CALN1: variants seen among roughly 807,000 people sequenced by gnomAD.
CALN1 encodes calneuron 1.
A neutral mutation model predicts 30.6 loss-of-function variants in CALN1; 17 were observed. That is an observed-to-expected ratio of 0.56 (90% CI 0.38 to 0.83). The LOEUF (loss-of-function observed/expected upper bound fraction) is 0.83. Ranked by LOEUF, CALN1 falls within the 40% of genes least tolerant of loss-of-function variation. The pLI is 0.00. For synonymous variants in CALN1, 156 were observed against 131.4 expected, an observed-to-expected ratio of 1.19 and a Z score of -1.28; for missense variants, 291 against 354.9, an observed-to-expected ratio of 0.82 and a Z score of 1.45.
intron 2 of CALN1, among the ~76,000 whole-genome samples, chr7:72,395,500 T>A (rs1042043038): frequency 2.0e-5 from 3 of 152,222 alleles, no homozygotes; most frequent in Admixed American, 6.5e-5. Flanking sequence ...AAGAGGCAGA[T>A]ACAGTATGGA....
At chr7:72,307,028 T>G (rs71551258) in intron 2 of CALN1, among the ~76,000 whole-genome samples, 14,606 of 152,282 alleles carry the variant, frequency 0.096, 1,339 homozygotes, top group East Asian at 0.43. Flanking sequence ...CAGCACTAAC[T>G]AGGTCGACAG....
chr7:72,297,065 G>A (rs1798914864), intron 2 of CALN1, among the ~76,000 whole-genome samples: 1 of 151,956 alleles, frequency 6.6e-6, no homozygotes, highest in African/African-American at 2.4e-5. Flanking sequence ...TGGGCATTTA[G>A]TGCTATAAAT....
intron 3 of CALN1, among the ~76,000 whole-genome samples, chr7:72,152,690 A>T (rs911702266): frequency 1.3e-5 from 2 of 152,136 alleles, no homozygotes; most frequent in Non-Finnish European, 2.9e-5. Flanking sequence ...TCAGACTTCA[A>T]TTCCCAGCTA....
chr7:71,908,927 A>T (rs1268596558), intron 5 of CALN1, among the ~76,000 whole-genome samples: 1 of 152,226 alleles, frequency 6.6e-6, no homozygotes, highest in African/African-American at 2.4e-5. Flanking sequence ...TCAGGGATCC[A>T]GCAACGTCTT....
At chr7:71,881,932 A>T (rs1442304870) in intron 5 of CALN1, among the ~76,000 whole-genome samples, 1 of 151,532 alleles carries the variant, frequency 6.6e-6, no homozygotes, top group Non-Finnish European at 1.5e-5. Context: ...AATTAGCCAC[A>T]TGTGGTGGTA....
At chr7:71,831,019 C>T (rs73362107) in intron 5 of CALN1, among the ~76,000 whole-genome samples, 3 of 151,928 alleles carry the variant, frequency 2.0e-5, no homozygotes. Context: ...AAATGAATCA[C>T]CTAAGTTCTC....
At chr7:71,922,213 T>C (rs1794981696) in intron 5 of CALN1, among the ~76,000 whole-genome samples, 1 of 152,166 alleles carries the variant, frequency 6.6e-6, no homozygotes, top group Non-Finnish European at 1.5e-5. Flanking sequence ...TAATTACTTA[T>C]CTTGTCTCTT....
At chr7:71,924,090 G>A (rs1306001061) in intron 5 of CALN1, among the ~76,000 whole-genome samples, 1 of 151,884 alleles carries the variant, frequency 6.6e-6, no homozygotes, top group Non-Finnish European at 1.5e-5. Flanking sequence ...CTACTCGCGG[G>A]GCTGACGCAG....
intron 1 of CALN1, among the ~76,000 whole-genome samples, chr7:72,406,471 G>GA (rs984136392): frequency 2.0e-5 from 3 of 152,108 alleles, no homozygotes; most frequent in Non-Finnish European, 4.4e-5. Flanking sequence ...TTAATTTCCA[G>GA]AATTTGTCCT....
intron 3 of CALN1, among the ~76,000 whole-genome samples, chr7:72,258,851 G>C (rs1002385981): frequency 6.8e-6 from 1 of 147,662 alleles, no homozygotes; most frequent in Non-Finnish European, 1.5e-5. Context: ...TCAGGAGTTC[G>C]AGAGCAGCCT....
At chr7:71,810,671 T>A (rs1466150081) in intron 5 of CALN1, among the ~76,000 whole-genome samples, 179 bp from the exon 6 acceptor site, 2 of 152,162 alleles carry the variant, frequency 1.3e-5, no homozygotes, top group African/African-American at 2.4e-5. Flanking sequence ...TTGCAGGGAC[T>A]TATTGGAATG....
At chr7:71,928,242 G>T (rs539167879) in intron 5 of CALN1, among the ~76,000 whole-genome samples, 6 of 152,090 alleles carry the variant, frequency 3.9e-5, no homozygotes, top group Non-Finnish European at 8.8e-5. Flanking sequence ...TCCACCCCAC[G>T]ACTTCAGAAA....
At chr7:72,255,576 G>A (rs183255970) in intron 3 of CALN1, among the ~76,000 whole-genome samples, 20 of 151,288 alleles carry the variant, frequency 1.3e-4, no homozygotes, top group African/African-American at 4.6e-4. Context: ...ACCAAGCTTG[G>A]CTAGTATTTT....
intron 6 of CALN1, among the ~76,000 whole-genome samples, chr7:71,790,425 A>C (rs903168760): frequency 4.6e-5 from 7 of 151,460 alleles, no homozygotes; most frequent in Non-Finnish European, 7.4e-5. Flanking sequence ...AGAAAGAAAG[A>C]AGCAAGCAAG....
Position 72,278,788 on chromosome 7 carries a change from C to T in CALN1, c.142G>A (p.Val48Met). The T allele has an allele frequency of 6.2e-7, 1 of 1,613,504 alleles. No homozygotes were observed. The change falls in exon 3 of 7, where the codon GTG (valine) becomes ATG (methionine). Residue 48 changes from valine to methionine, a missense_variant. Val to Met is a conservative substitution (Grantham distance 21). Around this residue, in one of 2 missense-constraint regions of CALN1, gnomAD observed 122 missense variants for 103.2 expected, o/e 1.18. Coordinates refer to ENST00000395275, the MANE Select transcript of CALN1 (RefSeq NM_031468.4). ...CCCTTGTACAACAAGCCGGCGGTCACATGGTGGAACGGCATCTTTTCCCTG... is the reference window on the plus strand; with the variant it reads ...CCCTTGTACAACAAGCCGGCGGTCATATGGTGGAACGGCATCTTTTCCCTG... ...PTWEKMPFHH[V>M]TAGLLYKGNY...
intron 2 of CALN1, among the ~76,000 whole-genome samples, chr7:72,321,034 G>C (rs934574916): frequency 6.6e-6 from 1 of 152,052 alleles, no homozygotes; most frequent in African/African-American, 2.4e-5. Flanking sequence ...CCTATGCCAA[G>C]TACTTAGAAA....
chr7:72,382,827 T>C lies in CALN1; in HGVS notation c.119+20424A>G, dbSNP rs148967835. Among the ~76,000 whole-genome samples, 7 of 152,294 alleles carry C rather than the reference T, an allele frequency of 4.6e-5. No individual in the cohort carries two copies. The East Asian group carries it at 5.8e-4, about 13-fold the overall frequency. ...TGTTTTTTGAGATGGAGTCTCACCA[T>C]TGCCAGGCTGGAGTGCAGGAGTGCG... On this transcript the variant is annotated intron_variant, in intron 2 of 6. Transcript: ENST00000395275.
chr7:71,826,821 G>T (rs1466929620), intron 5 of CALN1, among the ~76,000 whole-genome samples: 1 of 152,154 alleles, frequency 6.6e-6, no homozygotes, highest in Admixed American at 6.6e-5. Flanking sequence ...GACTACAGGT[G>T]CATGCCACCA....
chr7:72,493,664 T>C, the CALN1 span, among the ~76,000 whole-genome samples: 4 of 152,220 alleles, frequency 2.6e-5, no homozygotes, highest in Non-Finnish European at 5.9e-5. Flanking sequence ...TCATAACTCT[T>C]ACAGCATCTT....
Sources: allele counts gnomAD v4.1 joint callset (sites outside exome capture counted in the v4.1 genomes callset), GRCh38; gene constraint gnomAD v4.1.1; regional missense constraint gnomAD v4.1.1; transcripts MANE v1.5; gene names NCBI Gene and HGNC (gene_info 2026-07-23, HGNC 2026-07-21).